Variants in TRPM3 observed in about 807,000 individuals in gnomAD.
TRPM3 encodes the protein long transient receptor potential channel 3.
In TRPM3, 77 loss-of-function variants were observed where a neutral mutation model predicts 181.2. The ratio of observed to expected loss-of-function variants is 0.42; its 90% CI spans 0.35 to 0.51. The LOEUF (loss-of-function observed/expected upper bound fraction) is 0.51, where lower values mean the gene tolerates loss of function less well. Ranked by LOEUF, TRPM3 falls within the 20% of genes least tolerant of loss-of-function variation. The pLI is 0.01. For missense variants in TRPM3, 1,759 were observed against 2,196.7 expected (o/e 0.80, Z 3.98); for synonymous variants, 745 against 796.4 (o/e 0.94, Z 1.09).
rs552809629 is a variant in TRPM3, at chr9:71,328,534, A to C, written c.183+118119T>G. On this transcript the variant is annotated intron_variant, in intron 1 of 24. Transcript: ENST00000357533. ...TCCAGATTTGCCACTAAACCTACAA[A>C]AATGTCTGTTTTTTACTTTCCCAAT... Among the ~76,000 whole-genome samples, 3 of 152,284 alleles carry C rather than the reference A, an allele frequency of 2.0e-5. No individual in the cohort carries two copies. In the South Asian group the frequency reaches 6.2e-4, roughly 32 times the overall value.
chr9:70,880,208 C>T (rs1327861619), intron 1 of TRPM3, among the ~76,000 whole-genome samples: 1 of 151,998 alleles, frequency 6.6e-6, no homozygotes, highest in Non-Finnish European at 1.5e-5. Context: ...GGGTACAGAA[C>T]ATTTTTTTCT....
intron 1 of TRPM3, among the ~76,000 whole-genome samples, chr9:71,335,147 T>C (rs2090465596): frequency 6.6e-6 from 1 of 152,126 alleles, no homozygotes; most frequent in African/African-American, 2.4e-5. Context: ...AGTGAAAGTA[T>C]GTTAATAAGT....
At chr9:70,989,406 C>A (rs371687053) in intron 1 of TRPM3, among the ~76,000 whole-genome samples, 1 of 152,188 alleles carries the variant, frequency 6.6e-6, no homozygotes, top group East Asian at 1.9e-4. Flanking sequence ...TACAGTGAAA[C>A]AACCTTCCTA....
chr9:70,926,284 A>G (rs964787682), intron 1 of TRPM3, among the ~76,000 whole-genome samples: 1 of 152,160 alleles, frequency 6.6e-6, no homozygotes, highest in South Asian at 2.1e-4. Flanking sequence ...CAAAGTTGGA[A>G]TAAGCAATAT....
chr9:70,598,134 A>G (rs1277223125), intron 21 of TRPM3, among the ~76,000 whole-genome samples: 3 of 152,314 alleles, frequency 2.0e-5, no homozygotes, highest in Middle Eastern at 3.4e-3. Flanking sequence ...TCTCATGGAA[A>G]GAACATCTTT....
chr9:71,167,362 T>C (rs2076589300), intron 1 of TRPM3, among the ~76,000 whole-genome samples: 1 of 152,186 alleles, frequency 6.6e-6, no homozygotes, highest in South Asian at 2.1e-4. Context: ...ACTATTATTT[T>C]ACTCTGGTAT....
chr9:70,630,313 A>G (rs1333261673), intron 12 of TRPM3, among the ~76,000 whole-genome samples: 1 of 152,224 alleles, frequency 6.6e-6, no homozygotes, highest in Non-Finnish European at 1.5e-5. Context: ...TATGACCACT[A>G]CTTGGCAGGC....
intron 1 of TRPM3, among the ~76,000 whole-genome samples, chr9:70,975,663 T>G (rs139295976): frequency 1.3e-5 from 2 of 152,176 alleles, no homozygotes; most frequent in Admixed American, 1.3e-4. Flanking sequence ...GGTTAAAGAT[T>G]TGCATTCTGA....
At chr9:71,081,821 T>C (rs1278139573) in intron 1 of TRPM3, among the ~76,000 whole-genome samples, 1 of 152,174 alleles carries the variant, frequency 6.6e-6, no homozygotes, top group East Asian at 1.9e-4. Flanking sequence ...CATTAAGCAA[T>C]TCTAATGAAA....
At chr9:70,688,585 A>C (rs1470944164) in intron 8 of TRPM3, among the ~76,000 whole-genome samples, 1 of 152,082 alleles carries the variant, frequency 6.6e-6, no homozygotes, top group African/African-American at 2.4e-5. Context: ...TCTCTTGCTG[A>C]CTGCACTCCC....
chr9:70,933,116 G>T (rs2096791576), intron 1 of TRPM3, among the ~76,000 whole-genome samples: 1 of 152,130 alleles, frequency 6.6e-6, no homozygotes, highest in Non-Finnish European at 1.5e-5. Flanking sequence ...GATTAGAAGA[G>T]ATCAAGATTC....
intron 19 of TRPM3, 148 bp downstream of exon 19, chr9:70,610,461 G>A: frequency 1.1e-6 from 1 of 936,526 alleles, no homozygotes; most frequent in Non-Finnish European, 1.6e-6. Context: ...CACAAATCTT[G>A]CAGAGCTATT....
chr9:70,548,332 A>G (rs957281794), intron 25 of TRPM3, among the ~76,000 whole-genome samples: 1 of 152,216 alleles, frequency 6.6e-6, no homozygotes, highest in Admixed American at 6.5e-5. Context: ...ATGGCTTTAA[A>G]CTTTATTAGT....
In TRPM3 at chr9:70,806,621, C is replaced by G. The variant is rs922431899; in HGVS notation, c.973+21226G>C. Among the ~76,000 whole-genome samples the G allele has an allele frequency of 9.9e-5, 15 of 151,992 alleles. No individual in the cohort carries two copies. In the East Asian group the frequency reaches 2.7e-3, roughly 28 times the overall value. ...AGAAGAATCGCTGGAACACGGGAGG[C>G]GGGGGTTGCAGTGAGCTGAGATCAT... On this transcript the variant is annotated intron_variant, in intron 6 of 25. Coordinates refer to ENST00000677713, the MANE Select transcript of TRPM3 (RefSeq NM_001366145.2).
chr9:71,327,149 G>A (rs538949336), intron 1 of TRPM3, among the ~76,000 whole-genome samples: 18 of 152,288 alleles, frequency 1.2e-4, no homozygotes, highest in Admixed American at 9.1e-4. Context: ...CTTGGACCAC[G>A]GCATCTGCCT....
chr9:71,376,315 G>T (rs535948606), intron 1 of TRPM3, among the ~76,000 whole-genome samples: 59 of 152,044 alleles, frequency 3.9e-4, no homozygotes, highest in African/African-American at 1.3e-3. Context: ...AGAATTTTAA[G>T]GCAAATTCTT....
intron 1 of TRPM3, among the ~76,000 whole-genome samples, chr9:70,889,352 A>G (rs1178599284): frequency 1.3e-5 from 2 of 152,230 alleles, no homozygotes; most frequent in African/African-American, 4.8e-5. Flanking sequence ...GGCTGAAAGT[A>G]TGAGGCACCA....
chr9:71,187,480 C>T (rs2077743638), intron 1 of TRPM3, among the ~76,000 whole-genome samples: 1 of 151,954 alleles, frequency 6.6e-6, no homozygotes, highest in South Asian at 2.1e-4. Context: ...CTCTTCGTCT[C>T]TTACCCAGGC....
At chr9:71,173,993 C>T (rs1003402747) in intron 1 of TRPM3, among the ~76,000 whole-genome samples, 13 of 152,086 alleles carry the variant, frequency 8.5e-5, no homozygotes, top group Non-Finnish European at 1.8e-4. Context: ...AGTGTACTTT[C>T]TAAGAAGAAA....
Sources: allele counts gnomAD v4.1 joint callset (sites outside exome capture counted in the v4.1 genomes callset), GRCh38; gene constraint gnomAD v4.1.1; transcripts MANE v1.5; gene names NCBI Gene and HGNC (gene_info 2026-07-23, HGNC 2026-07-21).